RAB3GAP2: variants seen among roughly 807,000 people sequenced by gnomAD.
RAB3GAP2 encodes RAB3 GTPase activating non-catalytic protein subunit 2, also known as rab3 GTPase-activating protein non-catalytic subunit.
A neutral mutation model predicts 185.3 loss-of-function variants in RAB3GAP2; 87 were observed. The ratio of observed to expected loss-of-function variants is 0.47; its 90% CI spans 0.39 to 0.56. The LOEUF is 0.56. Ranked by LOEUF, RAB3GAP2 falls within the 20% of genes least tolerant of loss-of-function variation. RAB3GAP2 has a pLI of 0.00. For synonymous variants in RAB3GAP2, 554 were observed against 576.1 expected (o/e 0.96, Z 0.55); for missense variants, 1,492 against 1,638.2 (o/e 0.91, Z 1.54).
intron 1 of RAB3GAP2, among the ~76,000 whole-genome samples, chr1:220,269,252 C>A (rs570463186): frequency 4.1e-4 from 63 of 152,260 alleles, no homozygotes; most frequent in African/African-American, 1.5e-3. Flanking sequence ...AAACCTTAGC[C>A]ACAAATGTGG....
Position 220,167,362 on chromosome 1 carries a change from G to A in RAB3GAP2, c.3018C>T (p.Ser1006=). Residue 1006 remains serine, a synonymous_variant, in exon 26 of 35, where the codon AGC becomes AGT. Coordinates refer to ENST00000358951, the MANE Select transcript of RAB3GAP2 (RefSeq NM_012414.4). ...GTGCATGCAAGACATCGAGCTCAAG[G>A]CTACAAGGAAACTGCTCATAGGCTA... ...LHLAYEQFPC[S]LELDVLHAHC... 6.2e-7 allele frequency: 1 copy of A among 1,614,158 alleles called. No homozygotes were observed. The highest frequency in any genetic ancestry group is 1.1e-5 in the South Asian group (1 of 91,076).
At chr1:220,169,555 A>G (rs1378159402) in intron 24 of RAB3GAP2, among the ~76,000 whole-genome samples, 1 of 152,236 alleles carries the variant, frequency 6.6e-6, no homozygotes, top group Non-Finnish European at 1.5e-5. Flanking sequence ...GGAAGAGGAT[A>G]GGTCCAGATC....
intron 32 of RAB3GAP2, chr1:220,153,729 C>T: frequency 2.1e-6 from 1 of 473,066 alleles, no homozygotes; most frequent in South Asian, 2.1e-5. Context: ...TTAGGTATAT[C>T]TCCTAATGCT....
intron 1 of RAB3GAP2, among the ~76,000 whole-genome samples, chr1:220,235,768 T>G (rs945816622): frequency 2.6e-5 from 4 of 152,306 alleles, no homozygotes; most frequent in Non-Finnish European, 5.9e-5. Flanking sequence ...AAGACAGCAG[T>G]AATTTGGATT....
intron 1 of RAB3GAP2, among the ~76,000 whole-genome samples, chr1:220,249,099 T>C (rs1659881536): frequency 1.3e-5 from 2 of 152,052 alleles, no homozygotes; most frequent in Non-Finnish European, 2.9e-5. Flanking sequence ...TACCTGAAAA[T>C]GTGGAAGCAA....
chr1:220,165,334 G>A (rs1658044407), intron 26 of RAB3GAP2, among the ~76,000 whole-genome samples: 1 of 151,140 alleles, frequency 6.6e-6, no homozygotes, highest in African/African-American at 2.4e-5. Context: ...AATGGTAAGT[G>A]CCAAAGAGAA....
chr1:220,255,012 G>A (rs1660009566), intron 1 of RAB3GAP2, among the ~76,000 whole-genome samples: 1 of 148,578 alleles, frequency 6.7e-6, no homozygotes, highest in African/African-American at 2.5e-5. Flanking sequence ...AGGCATCCAT[G>A]TTGTTACTTA....
intron 2 of RAB3GAP2, among the ~76,000 whole-genome samples, chr1:220,222,720 T>C (rs868474022): frequency 1.3e-5 from 2 of 152,280 alleles, no homozygotes; most frequent in African/African-American, 4.8e-5. Flanking sequence ...ATGATCTCAT[T>C]TTCATAAAAT....
intron 1 of RAB3GAP2, among the ~76,000 whole-genome samples, chr1:220,240,317 T>C (rs771263895): frequency 3.3e-5 from 5 of 152,214 alleles, no homozygotes; most frequent in Non-Finnish European, 5.9e-5. Context: ...TCTCAGCTCA[T>C]TTGTTGTACA....
At position 220,148,789 on chromosome 1, in the gene RAB3GAP2, A is replaced by G. The variant is rs1189050451; in HGVS notation, c.*2462T>C. On this transcript the variant is annotated 3_prime_UTR_variant, in exon 35 of 35. Transcript: ENST00000358951. ...GAAGCATTAAGAAGCATGGTGCTATATATCTCTTTATCTACATTTACCCTG... is the reference window on the plus strand; with the variant it reads ...GAAGCATTAAGAAGCATGGTGCTATGTATCTCTTTATCTACATTTACCCTG... 6.6e-6 allele frequency: 1 copy of G among 152,164 alleles called. No individual in the cohort carries two copies. Among genetic ancestry groups the G allele is most frequent in the Non-Finnish European group, 1.5e-5 (1 of 68,014 alleles). The allele number at this position is 152,164 out of a possible 1,614,324, so 9.4% of individuals were successfully genotyped here. A position where few individuals can be genotyped will look rare whatever the true frequency, so the allele number is the denominator to read the frequency against.
chr1:220,185,550 T>C, intron 18 of RAB3GAP2, 101 bp downstream of exon 18: 1 of 810,934 alleles, frequency 1.2e-6, no homozygotes, highest in Non-Finnish European at 2.1e-6. Context: ...ACTTCCACAT[T>C]AAAGTAACAT....
chr1:220,177,523 G>T (rs1395174009), intron 21 of RAB3GAP2, among the ~76,000 whole-genome samples: 18 of 152,132 alleles, frequency 1.2e-4, no homozygotes. Context: ...CTCAGACAAA[G>T]AATTCAAAAT....
At position 220,156,099 on chromosome 1, in the gene RAB3GAP2, C is replaced by T. The variant is rs533598844; in HGVS notation, c.3555+1171G>A. 3.9e-4 allele frequency among the ~76,000 whole-genome samples: 59 copies of T among 152,106 alleles called. 1 individual carries two copies. Among genetic ancestry groups the T allele is most frequent in the African/African-American group, 1.3e-3 (53 of 41,494 alleles). The stretch of plus-strand genomic sequence containing the variant: ...CCAAGTAGCTGGGAGTACAGGCACA[C>T]ACCACCATGCCTGGCTAGTTTTTGT... On this transcript the variant is annotated intron_variant, in intron 31 of 34. Coordinates refer to ENST00000358951, the MANE Select transcript of RAB3GAP2 (RefSeq NM_012414.4).
At chr1:220,152,680 T>G (rs1319802555) in intron 33 of RAB3GAP2, among the ~76,000 whole-genome samples, 3 of 152,188 alleles carry the variant, frequency 2.0e-5, no homozygotes, top group East Asian at 1.9e-4. Flanking sequence ...GGCTCCTGTT[T>G]ATTCATATGA....
chr1:220,204,970 A>C (rs889714994), intron 8 of RAB3GAP2, among the ~76,000 whole-genome samples: 3 of 151,380 alleles, frequency 2.0e-5, no homozygotes, highest in Non-Finnish European at 4.4e-5. Context: ...TATTTTCTTA[A>C]TCCAGTCTAT....
chr1:220,229,033 G>C (rs1049104516), intron 2 of RAB3GAP2, among the ~76,000 whole-genome samples: 1 of 152,084 alleles, frequency 6.6e-6, no homozygotes, highest in Non-Finnish European at 1.5e-5. Context: ...CTCGATTTAG[G>C]TTATCCCTAG....
intron 1 of RAB3GAP2, among the ~76,000 whole-genome samples, chr1:220,252,435 A>C (rs747164523): frequency 6.6e-6 from 1 of 152,154 alleles, no homozygotes; most frequent in Non-Finnish European, 1.5e-5. Flanking sequence ...TGGTCTGTGG[A>C]GCTTATGGAG....
At chr1:220,189,563 TA>T in intron 17 of RAB3GAP2, 139 bp downstream of exon 17, 1 of 740,748 alleles carries the variant, frequency 1.3e-6, no homozygotes, top group Non-Finnish European at 1.9e-6. Context: ...TATCTGAAAA[TA>T]AAGAAAGGGA....
Position 220,182,366 on chromosome 1 carries a change from A to G in RAB3GAP2, c.2213-12T>C, listed in dbSNP as rs1358086175. 1.9e-6 allele frequency: 3 copies of G among 1,613,878 alleles called. No individual in the cohort carries two copies. The highest frequency in any genetic ancestry group is 2.5e-6 in the Non-Finnish European group (3 of 1,179,934). ...AAAAAAGAAACTACCTGGTAGAAGA[A>G]AAACAAAGCACATTAATCAATGACT... On this transcript the variant is annotated splice_polypyrimidine_tract_variant and intron_variant, in intron 20 of 34. Transcript: ENST00000358951.
Sources: gnomAD v4.1 joint callset for allele counts (sites outside exome capture counted in the v4.1 genomes callset) on GRCh38, gnomAD v4.1.1 for gene constraint, MANE v1.5 for transcripts, NCBI Gene and HGNC (gene_info 2026-07-23, HGNC 2026-07-21) for gene names.